KCNH8: variants seen among roughly 807,000 people sequenced by gnomAD.
KCNH8 encodes the protein voltage-gated delayed rectifier potassium channel KCNH8.
Under a neutral mutation model 103.6 loss-of-function variants are expected in KCNH8, and 70 were observed. The ratio of observed to expected loss-of-function variants is 0.68; its 90% confidence interval spans 0.56 to 0.82. KCNH8 has a LOEUF of 0.82. Among genes scored for constraint, KCNH8 ranks in the 40% least tolerant of loss-of-function variants. The pLI is 0.00. For synonymous variants in KCNH8, 498 were observed against 489.4 expected, an observed-to-expected ratio of 1.02 and a Z score of -0.23; for missense variants, 1,217 against 1,329.9, an observed-to-expected ratio of 0.92 and a Z score of 1.32.
At chr3:19,198,630 C>T (rs1028615921) in intron 1 of KCNH8, among the ~76,000 whole-genome samples, 2 of 151,884 alleles carry the variant, frequency 1.3e-5, no homozygotes, top group South Asian at 2.1e-4. Flanking sequence ...ATATTTTGCA[C>T]GGACAGAATT....
intron 8 of KCNH8, among the ~76,000 whole-genome samples, chr3:19,439,805 C>T (rs1418104748): frequency 6.6e-6 from 1 of 151,686 alleles, no homozygotes; most frequent in Non-Finnish European, 1.5e-5. Context: ...AAAAGCAAAG[C>T]CATCTTATGC....
chr3:19,348,644 A>G (rs1034935598), intron 5 of KCNH8, among the ~76,000 whole-genome samples: 1 of 151,962 alleles, frequency 6.6e-6, no homozygotes, highest in Non-Finnish European at 1.5e-5. Context: ...TCATTCTAGG[A>G]CAGATTCCGG....
chr3:19,474,452 A>C (rs1050446132), intron 11 of KCNH8, among the ~76,000 whole-genome samples: 3 of 152,172 alleles, frequency 2.0e-5, no homozygotes, highest in Non-Finnish European at 4.4e-5. Context: ...GAGTGGAGGA[A>C]ACAGCAGCCA....
intron 5 of KCNH8, among the ~76,000 whole-genome samples, chr3:19,363,178 T>C (rs1313606170): frequency 6.6e-6 from 1 of 152,080 alleles, no homozygotes; most frequent in Non-Finnish European, 1.5e-5. Context: ...CAAGAGAAGG[T>C]CTCTTAAAGA....
At chr3:19,351,468 T>C (rs2065801212) in intron 5 of KCNH8, among the ~76,000 whole-genome samples, 1 of 152,010 alleles carries the variant, frequency 6.6e-6, no homozygotes, top group East Asian at 1.9e-4. Flanking sequence ...GGAAAAAATG[T>C]TAAAGGCAAC....
At chr3:19,466,648 CATTTTTTTTT>C (rs2067742611) in intron 11 of KCNH8, among the ~76,000 whole-genome samples, 1 of 107,748 alleles carries the variant, frequency 9.3e-6, no homozygotes, top group African/African-American at 3.5e-5. Flanking sequence ...TGTAGCAATA[CATTTTTTTTT>C]TTTTTTTTTT....
intron 11 of KCNH8, among the ~76,000 whole-genome samples, chr3:19,493,108 G>T (rs184967548): frequency 1.3e-5 from 2 of 152,158 alleles, no homozygotes; most frequent in Admixed American, 6.6e-5. Context: ...TTGTTTATCA[G>T]TTCTAGTAGC....
intron 1 of KCNH8, among the ~76,000 whole-genome samples, chr3:19,173,882 G>C (rs1410399271): frequency 1.3e-5 from 2 of 151,414 alleles, no homozygotes; most frequent in Non-Finnish European, 2.9e-5. Context: ...TAAATTCTTG[G>C]TAACTGTGCT....
chr3:19,299,526 A>G (rs1189778439), intron 3 of KCNH8, among the ~76,000 whole-genome samples: 1 of 152,198 alleles, frequency 6.6e-6, no homozygotes, highest in African/African-American at 2.4e-5. Context: ...TAGCAAGGAA[A>G]TATAATTTTC....
At chr3:19,174,418 T>C (rs2063378233) in intron 1 of KCNH8, among the ~76,000 whole-genome samples, 1 of 152,192 alleles carries the variant, frequency 6.6e-6, no homozygotes, top group Non-Finnish European at 1.5e-5. Context: ...CAAGTTCACA[T>C]ATCTTAGTAT....
At chr3:19,306,637 T>A (rs955299503) in intron 3 of KCNH8, among the ~76,000 whole-genome samples, 4 of 152,042 alleles carry the variant, frequency 2.6e-5, no homozygotes, top group African/African-American at 2.4e-5. Context: ...AAAGAATGAT[T>A]AAAATCAGGG....
intron 11 of KCNH8, among the ~76,000 whole-genome samples, chr3:19,466,927 C>T (rs1325417688): frequency 6.6e-6 from 1 of 152,048 alleles, no homozygotes; most frequent in African/African-American, 2.4e-5. Context: ...TCCCAAAGTA[C>T]TGGGATTACA....
intron 7 of KCNH8, among the ~76,000 whole-genome samples, chr3:19,420,745 A>G (rs1047132454): frequency 1.3e-5 from 2 of 152,230 alleles, no homozygotes; most frequent in African/African-American, 4.8e-5. Context: ...AAATGGGCAT[A>G]GTAATACAAA....
intron 14 of KCNH8, among the ~76,000 whole-genome samples, chr3:19,517,601 T>C (rs990113958): frequency 6.6e-6 from 1 of 152,008 alleles, no homozygotes; most frequent in African/African-American, 2.4e-5. Flanking sequence ...GGCACATGAA[T>C]CAATGTTTAG....
chr3:19,411,030 C>T lies in KCNH8; in HGVS notation c.1177+15719C>T, dbSNP rs564142223. ...CACTCATTCTATGAATCTAGCACACCCTAATACCAAAACCTGGTAACAATA... is the reference window on the plus strand; with the variant it reads ...CACTCATTCTATGAATCTAGCACACTCTAATACCAAAACCTGGTAACAATA... On this transcript the variant is annotated intron_variant, in intron 7 of 15. Coordinates refer to ENST00000328405, the MANE Select transcript of KCNH8 (RefSeq NM_144633.3). Among the ~76,000 whole-genome samples the T allele has an allele frequency of 8.9e-4, 135 of 151,986 alleles. 2 individuals carry two copies. In the South Asian group the frequency reaches 0.027, roughly 30 times the overall value.
chr3:19,480,432 T>C (rs1489271433), intron 11 of KCNH8, among the ~76,000 whole-genome samples: 2 of 152,168 alleles, frequency 1.3e-5, no homozygotes, highest in African/African-American at 2.4e-5. Context: ...GTTAGAGAAA[T>C]AGATGAAATA....
chr3:19,340,042 T>C (rs1420911326), intron 3 of KCNH8, among the ~76,000 whole-genome samples: 1 of 152,132 alleles, frequency 6.6e-6, no homozygotes, highest in African/African-American at 2.4e-5. Flanking sequence ...TAATGTGTTA[T>C]TAGACCTTCA....
intron 2 of KCNH8, among the ~76,000 whole-genome samples, chr3:19,276,235 G>T (rs548772486): frequency 6.7e-6 from 1 of 148,194 alleles, no homozygotes; most frequent in Admixed American, 6.8e-5. Context: ...ATTTTCTCTG[G>T]ACTAATTTCT....
At chr3:19,212,370 C>G (rs2063779370) in intron 1 of KCNH8, among the ~76,000 whole-genome samples, 1 of 152,190 alleles carries the variant, frequency 6.6e-6, no homozygotes. Context: ...TCTTGATCTT[C>G]AAGCCCCAAC....
Sources: gnomAD v4.1 joint callset for allele counts (sites outside exome capture counted in the v4.1 genomes callset) on GRCh38, gnomAD v4.1.1 for gene constraint, MANE v1.5 for transcripts, NCBI Gene and HGNC (gene_info 2026-07-23, HGNC 2026-07-21) for gene names.